The following CDH4 variants were observed in gnomAD, a reference collection of about 807,000 sequenced individuals.
CDH4 encodes the protein cadherin 4, also known as cadherin-4.
CDH4 carries 33 observed loss-of-function variants against 86.0 expected under a neutral mutation model. The ratio of observed to expected loss-of-function variants is 0.38; its 90% confidence interval spans 0.29 to 0.51. The LOEUF is 0.51. Ranked by LOEUF, CDH4 falls within the 20% of genes least tolerant of loss-of-function variation. The pLI, the probability that CDH4 is intolerant of heterozygous loss-of-function variation, is 0.86. For missense variants in CDH4, 1,114 were observed against 1,307.4 expected (o/e 0.85, Z 2.28); for synonymous variants, 555 against 549.4 (o/e 1.01, Z -0.14).
chr20:61,470,152 GTA>G (rs2085494389), intron 2 of CDH4, among the ~76,000 whole-genome samples: 1 of 152,146 alleles, frequency 6.6e-6, no homozygotes, highest in Non-Finnish European at 1.5e-5. Context: ...GCTTTGGAAA[GTA>G]TGGACACTTT....
intron 3 of CDH4, among the ~76,000 whole-genome samples, chr20:61,749,280 A>C (rs1441667454): frequency 6.6e-6 from 1 of 152,258 alleles, no homozygotes; most frequent in Non-Finnish European, 1.5e-5. Flanking sequence ...GGTCAATTTT[A>C]ACAAAATTTC....
chr20:61,605,886 G>GAAAAAAAA (rs529210946), intron 2 of CDH4, among the ~76,000 whole-genome samples: 1 of 126,000 alleles, frequency 7.9e-6, no homozygotes, highest in Non-Finnish European at 1.7e-5. Context: ...GGCTGTGGAG[G>GAAAAAAAA]AAAAAAAAAA....
intron 2 of CDH4, among the ~76,000 whole-genome samples, chr20:61,298,281 C>T (rs2084367647): frequency 6.6e-6 from 1 of 152,114 alleles, no homozygotes; most frequent in Non-Finnish European, 1.5e-5. Flanking sequence ...TCAGGGAGAT[C>T]AATTAAATTG....
At chr20:61,362,444 A>G in intron 2 of CDH4, among the ~76,000 whole-genome samples, 1 of 128,798 alleles carries the variant, frequency 7.8e-6, no homozygotes, top group South Asian at 2.6e-4. Flanking sequence ...TGTAGTGGAG[A>G]GTGGAGACGT....
intron 4 of CDH4, among the ~76,000 whole-genome samples, chr20:61,831,311 C>T (rs955609016): frequency 1.3e-5 from 2 of 152,234 alleles, no homozygotes; most frequent in African/African-American, 2.4e-5. Context: ...AAAGACCTGG[C>T]CCACTTCCAG....
chr20:61,809,799 A>C (rs1032400494), intron 4 of CDH4, among the ~76,000 whole-genome samples: 2 of 152,222 alleles, frequency 1.3e-5, no homozygotes, highest in Non-Finnish European at 2.9e-5. Flanking sequence ...CAAATGTTAC[A>C]ACCAACAAGT....
chr20:61,560,937 C>T (rs1414413728), intron 2 of CDH4, among the ~76,000 whole-genome samples: 2 of 152,336 alleles, frequency 1.3e-5, no homozygotes, highest in East Asian at 3.9e-4. Context: ...GGGGTCACCG[C>T]TGTGACCAGC....
chr20:61,930,732 T>C (rs914995731), intron 13 of CDH4, among the ~76,000 whole-genome samples: 1 of 152,374 alleles, frequency 6.6e-6, no homozygotes, highest in Middle Eastern at 3.4e-3. Flanking sequence ...CCGGTTTTCA[T>C]TTCTGAGGCT....
intron 2 of CDH4, among the ~76,000 whole-genome samples, chr20:61,528,455 G>C (rs1310875983): frequency 9.5e-6 from 1 of 105,156 alleles, no homozygotes; most frequent in Non-Finnish European, 2.0e-5. Context: ...GGGGGGTGGA[G>C]GGGGAGAGGG....
At chr20:61,634,263 T>G (rs2086924429) in intron 2 of CDH4, among the ~76,000 whole-genome samples, 2 of 152,140 alleles carry the variant, frequency 1.3e-5, no homozygotes, top group South Asian at 4.1e-4. Flanking sequence ...TTCCTGTGTG[T>G]GGACAGAAAT....
chr20:61,352,817 C>T (rs1044601285), intron 2 of CDH4, among the ~76,000 whole-genome samples: 2 of 152,104 alleles, frequency 1.3e-5, no homozygotes, highest in Admixed American at 6.5e-5. Context: ...TTCTGCTCTT[C>T]GGAGTTCTTC....
At chr20:61,805,668 G>C (rs1400828183) in intron 4 of CDH4, among the ~76,000 whole-genome samples, 1 of 152,182 alleles carries the variant, frequency 6.6e-6, no homozygotes, top group Non-Finnish European at 1.5e-5. Context: ...GCATGGCAGA[G>C]GTATGTTTAA....
chr20:61,751,674 C>T (rs907291478), intron 3 of CDH4, among the ~76,000 whole-genome samples: 4 of 152,166 alleles, frequency 2.6e-5, no homozygotes, highest in Non-Finnish European at 4.4e-5. Context: ...TAAATGGTTC[C>T]ATTTTAAAGG....
At chr20:61,901,933 G>C (rs1465129357) in intron 8 of CDH4, among the ~76,000 whole-genome samples, 1 of 152,212 alleles carries the variant, frequency 6.6e-6, no homozygotes, top group African/African-American at 2.4e-5. Context: ...GTTCGCAGTC[G>C]GCCGTGGCTC....
At chr20:61,348,498 A>G (rs1469350258) in intron 2 of CDH4, among the ~76,000 whole-genome samples, 1 of 152,176 alleles carries the variant, frequency 6.6e-6, no homozygotes, top group Non-Finnish European at 1.5e-5. Flanking sequence ...GGTTCCCTCC[A>G]CCAAGACCTA....
chr20:61,316,118 C>T (rs2084474993), intron 2 of CDH4, among the ~76,000 whole-genome samples: 1 of 152,130 alleles, frequency 6.6e-6, no homozygotes. Context: ...TCCTCTTCCT[C>T]CTGGGTGCTG....
intron 2 of CDH4, among the ~76,000 whole-genome samples, chr20:61,459,808 C>T (rs370893822): frequency 3.3e-5 from 5 of 151,980 alleles, no homozygotes; most frequent in East Asian, 3.9e-4. Flanking sequence ...ATGAGCGCTT[C>T]GCAGCCCGAG....
intron 4 of CDH4, among the ~76,000 whole-genome samples, chr20:61,821,546 C>T (rs1981044098): frequency 6.6e-6 from 1 of 152,180 alleles, no homozygotes; most frequent in South Asian, 2.1e-4. Context: ...CAGCCCCCAC[C>T]CCAGCCCAGA....
At chr20:61,254,974 G>C in intron 2 of CDH4, 37 bp downstream of exon 2, 1 of 1,187,386 alleles carries the variant, frequency 8.4e-7, no homozygotes, top group Non-Finnish European at 1.3e-6. Flanking sequence ...GTGAATTGCT[G>C]CCATGCTTTT....
Sources: gnomAD v4.1 joint callset for allele counts (sites outside exome capture counted in the v4.1 genomes callset) on GRCh38, gnomAD v4.1.1 for gene constraint, MANE v1.5 for transcripts, NCBI Gene and HGNC (gene_info 2026-07-23, HGNC 2026-07-21) for gene names.